The following CSPP1 variants were observed in gnomAD, a reference collection of about 807,000 sequenced individuals.
CSPP1 encodes the protein centrosome and spindle pole-associated protein 1.
In CSPP1, 126 loss-of-function variants were observed where a neutral mutation model predicts 164.4. The ratio of observed to expected loss-of-function variants is 0.77; its 90% confidence interval spans 0.66 to 0.89. The LOEUF (loss-of-function observed/expected upper bound fraction) is 0.89, where lower values mean the gene tolerates loss of function less well. Among genes scored for constraint, CSPP1 ranks in the 40% least tolerant of loss-of-function variants. CSPP1 has a pLI of 0.00. For synonymous variants in CSPP1, 472 were observed against 476.7 expected (o/e 0.99, Z 0.13); for missense variants, 1,395 against 1,449.8 (o/e 0.96, Z 0.61).
intron 3 of CSPP1, among the ~76,000 whole-genome samples, chr8:67,082,583 T>C (rs1364332553): frequency 1.3e-5 from 2 of 152,184 alleles, no homozygotes; most frequent in Non-Finnish European, 1.5e-5. Context: ...CTTTTGATTA[T>C]TTTTACATAA....
chr8:67,103,873 T>C (rs946639820), intron 8 of CSPP1, among the ~76,000 whole-genome samples: 6 of 151,646 alleles, frequency 4.0e-5, no homozygotes, highest in African/African-American at 1.5e-4. Flanking sequence ...ATTGGAAATG[T>C]TCCTGTGGTG....
At chr8:67,134,227 C>T (rs1821787970) in intron 16 of CSPP1, 1 of 152,214 alleles carries the variant, frequency 6.6e-6, no homozygotes, top group Non-Finnish European at 1.5e-5. Flanking sequence ...GAATTACTCT[C>T]TGTGGCAACT....
At chr8:67,183,938 C>T (rs1263259893) in intron 28 of CSPP1, among the ~76,000 whole-genome samples, 6 of 150,394 alleles carry the variant, frequency 4.0e-5, no homozygotes, top group Admixed American at 2.7e-4. Flanking sequence ...CTGCAACCTC[C>T]GCCTCCCGGG....
At chr8:67,172,233 C>G (rs1457719262) in intron 24 of CSPP1, among the ~76,000 whole-genome samples, 183 bp from the exon 25 acceptor site, 4 of 146,530 alleles carry the variant, frequency 2.7e-5, no homozygotes, top group Non-Finnish European at 6.0e-5. Context: ...TGATTTCAAG[C>G]AGTCCTCCTG....
At chr8:67,092,412 A>T (rs1035797435) in intron 5 of CSPP1, among the ~76,000 whole-genome samples, 1 of 152,144 alleles carries the variant, frequency 6.6e-6, no homozygotes, top group Non-Finnish European at 1.5e-5. Context: ...GACAAAATGG[A>T]CAGTTAATAA....
In CSPP1 at chr8:67,167,287, C is replaced by T. The variant is rs1447008788; in HGVS notation, c.2828+2779C>T. On this transcript the variant is annotated intron_variant, in intron 24 of 30. Coordinates refer to ENST00000678616, the MANE Select transcript of CSPP1 (RefSeq NM_001382391.1). ...CTGGGCAGAGGGGCTCCTCACTTCCCAGAAGGGGCGGCCGGGCAGAGGCAC... is the reference window on the plus strand; with the variant it reads ...CTGGGCAGAGGGGCTCCTCACTTCCTAGAAGGGGCGGCCGGGCAGAGGCAC... Among the ~76,000 whole-genome samples, 8 of 152,088 alleles carry T rather than the reference C, an allele frequency of 5.3e-5. No individual in the cohort carries two copies. The East Asian group carries it at 1.6e-3, about 30-fold the overall frequency.
intron 10 of CSPP1, among the ~76,000 whole-genome samples, chr8:67,113,344 T>C (rs932750630): frequency 1.3e-5 from 2 of 152,164 alleles, no homozygotes; most frequent in Admixed American, 6.5e-5. Flanking sequence ...TTTTTCCCTC[T>C]ATCTCAGAGG....
intron 15 of CSPP1, among the ~76,000 whole-genome samples, chr8:67,127,081 G>A (rs1820224131): frequency 6.6e-6 from 1 of 151,934 alleles, no homozygotes; most frequent in East Asian, 1.9e-4. Flanking sequence ...TTATGATAGA[G>A]CTAAGGAGAA....
At chr8:67,104,949 C>CATATATATATATATAT (rs201503845) in intron 8 of CSPP1, among the ~76,000 whole-genome samples, 18 of 83,196 alleles carry the variant, frequency 2.2e-4, no homozygotes, top group Admixed American at 2.8e-4. Flanking sequence ...CTTACATGCA[C>CATATATATATATATAT]ATATATATAT....
At chr8:67,193,386 C>T in intron 29 of CSPP1, 78 bp from the exon 30 acceptor site, 19 of 1,324,420 alleles carry the variant, frequency 1.4e-5, no homozygotes, top group Non-Finnish European at 2.0e-5. Context: ...TGATAGGCAC[C>T]ATGCCTGGCC....
intron 28 of CSPP1, among the ~76,000 whole-genome samples, chr8:67,188,915 C>G (rs1387637354): frequency 1.3e-5 from 2 of 152,210 alleles, no homozygotes; most frequent in Non-Finnish European, 2.9e-5. Context: ...CCGCATGGCC[C>G]AAGATTCCAT....
chr8:67,193,406 T>C, intron 29 of CSPP1, 58 bp from the exon 30 acceptor site: 1 of 1,517,628 alleles, frequency 6.6e-7, no homozygotes, highest in Non-Finnish European at 9.1e-7. Context: ...CCTGATTCAC[T>C]GATTTGTGAA....
intron 19 of CSPP1, among the ~76,000 whole-genome samples, chr8:67,156,173 G>A (rs1826632290): frequency 6.6e-6 from 1 of 152,158 alleles, no homozygotes; most frequent in South Asian, 2.1e-4. Flanking sequence ...TACATATAGT[G>A]TCTCATCAAA....
chr8:67,113,073 G>A (rs564087371), intron 10 of CSPP1, among the ~76,000 whole-genome samples: 2 of 152,200 alleles, frequency 1.3e-5, no homozygotes, highest in Admixed American at 6.5e-5. Context: ...GTGAAACCCC[G>A]TCTCTACTAA....
At chr8:67,086,370 A>G (rs1339396568) in intron 4 of CSPP1, 1 of 470,450 alleles carries the variant, frequency 2.1e-6, no homozygotes, top group African/African-American at 2.0e-5. Flanking sequence ...ATCGTTAATT[A>G]TGGTTTTTCA....
chr8:67,072,943 C>A (rs1434644754), intron 1 of CSPP1, among the ~76,000 whole-genome samples: 1 of 150,378 alleles, frequency 6.6e-6, no homozygotes, highest in Non-Finnish European at 1.5e-5. Flanking sequence ...TAGATACTTT[C>A]CCAATGATTA....
chr8:67,167,908 A>G (rs1423260567), intron 24 of CSPP1, among the ~76,000 whole-genome samples: 4 of 152,192 alleles, frequency 2.6e-5, no homozygotes, highest in African/African-American at 9.6e-5. Context: ...GGCCGGGCAG[A>G]GGCTGCAATC....
intron 12 of CSPP1, 47 bp from the exon 13 acceptor site, chr8:67,115,867 A>C (rs1285474605): frequency 6.7e-7 from 1 of 1,495,436 alleles, no homozygotes; most frequent in Admixed American, 1.7e-5. Context: ...TTCCACCTTT[A>C]AACTTATGAT....
chr8:67,105,717 T>TG (rs1387151051), intron 8 of CSPP1, among the ~76,000 whole-genome samples, 188 bp from the exon 9 acceptor site: 1 of 152,176 alleles, frequency 6.6e-6, no homozygotes, highest in Admixed American at 6.5e-5. Flanking sequence ...CTGAATACAT[T>TG]GGAGTTGCAC....
Sources: allele counts gnomAD v4.1 joint callset (sites outside exome capture counted in the v4.1 genomes callset), GRCh38; gene constraint gnomAD v4.1.1; transcripts MANE v1.5; gene names NCBI Gene and HGNC (gene_info 2026-07-23, HGNC 2026-07-21).